NR6A1: variants seen among roughly 807,000 people sequenced by gnomAD.
NR6A1 encodes the protein nuclear receptor subfamily 6 group A member 1.
NR6A1 carries 7 observed loss-of-function variants against 59.1 expected under a neutral mutation model. The ratio of observed to expected loss-of-function variants is 0.12; its 90% CI spans 0.07 to 0.22. The LOEUF is 0.22. NR6A1 is among the 10% of genes least tolerant of loss of function. NR6A1 has a pLI of 1.00. For missense variants in NR6A1, 468 were observed against 611.6 expected (o/e 0.77, Z 2.48); for synonymous variants, 243 against 236.1 (o/e 1.03, Z -0.27).
At chr9:124,610,360 T>C (rs779868299) in intron 2 of NR6A1, among the ~76,000 whole-genome samples, 21 of 152,166 alleles carry the variant, frequency 1.4e-4, no homozygotes, top group Non-Finnish European at 4.4e-5. Flanking sequence ...TGAGATAATC[T>C]GTGGTTTCTG....
chr9:124,664,437 T>C (rs1837542333), intron 2 of NR6A1, among the ~76,000 whole-genome samples: 1 of 152,170 alleles, frequency 6.6e-6, no homozygotes. Context: ...TTACCACTGG[T>C]GGTCCAAAGA....
rs1444333411 is a variant in NR6A1 at position 124,771,021 on chromosome 9, G to C, written c.99C>G (p.Asn33Lys). Residue 33 changes from asparagine to lysine, a missense_variant and splice_region_variant, in exon 1 of 10, where the codon AAC (asparagine) becomes AAG (lysine). By Grantham distance (94) the Asn-to-Lys change is moderately conservative. Around this residue, in one of 4 missense-constraint regions of NR6A1, gnomAD observed 75 missense variants for 65.6 expected, o/e 1.14. Transcript: ENST00000487099. Reference protein sequence around the residue: ...PPAALPPPPRNGFCQDELAEL... With the variant: ...PPAALPPPPRKGFCQDELAEL... The stretch of plus-strand genomic sequence containing the variant: ...GGGCGTCGCAGGCCCCTCACCCACC[G>C]TTGCGCGGCGGCGGAGGGAGCGCGG... The C allele has an allele frequency of 7.3e-6, 9 of 1,229,184 alleles. No individual in the cohort carries two copies. Among genetic ancestry groups the C allele is most frequent in the Non-Finnish European group, 9.1e-6 (9 of 985,874 alleles). 76.1% of individuals were successfully genotyped at this position (1,229,184 alleles called of 1,614,324 possible).
chr9:124,605,604 C>T (rs1457537624), intron 2 of NR6A1, among the ~76,000 whole-genome samples: 3 of 151,942 alleles, frequency 2.0e-5, no homozygotes, highest in Non-Finnish European at 4.4e-5. Flanking sequence ...CAAAAGAACA[C>T]CAAATAAACA....
At chr9:124,644,271 C>CTTTTTTTTTTT (rs35401605) in intron 2 of NR6A1, among the ~76,000 whole-genome samples, 11 of 96,742 alleles carry the variant, frequency 1.1e-4, no homozygotes, top group African/African-American at 4.1e-4. Context: ...ATTAAGTCTT[C>CTTTTTTTTTTT]TTTTTTTTTT....
chr9:124,690,118 A>G (rs369628878), intron 2 of NR6A1, among the ~76,000 whole-genome samples: 1 of 152,170 alleles, frequency 6.6e-6, no homozygotes. Context: ...CATTACCCCC[A>G]AACACTTATA....
chr9:124,669,294 T>C (rs963143892), intron 2 of NR6A1, among the ~76,000 whole-genome samples: 1 of 152,252 alleles, frequency 6.6e-6, no homozygotes, highest in Non-Finnish European at 1.5e-5. Flanking sequence ...AATATGGATA[T>C]ATACTTTGGT....
At chr9:124,612,805 CTTTCTTTCTTTCT>C (rs1450311786) in intron 2 of NR6A1, among the ~76,000 whole-genome samples, 2 of 145,184 alleles carry the variant, frequency 1.4e-5, no homozygotes, top group African/African-American at 4.9e-5. Flanking sequence ...TTCTTTCTTT[CTTTCTTTCTTTCT>C]TTTCTTTCTT....
intron 2 of NR6A1, among the ~76,000 whole-genome samples, chr9:124,694,389 T>G (rs1006563766): frequency 2.9e-4 from 44 of 152,228 alleles, no homozygotes; most frequent in African/African-American, 1.1e-3. Context: ...CACAACAGTC[T>G]TTTATGTACT....
intron 2 of NR6A1, among the ~76,000 whole-genome samples, chr9:124,699,715 T>C (rs1167213584): frequency 6.6e-6 from 1 of 152,252 alleles, no homozygotes; most frequent in Non-Finnish European, 1.5e-5. Context: ...TATAGACTTG[T>C]GCAAGCATCA....
At chr9:124,583,834 T>C (rs1473572557) in intron 2 of NR6A1, among the ~76,000 whole-genome samples, 1 of 152,174 alleles carries the variant, frequency 6.6e-6, no homozygotes, top group African/African-American at 2.4e-5. Flanking sequence ...ACTTCTGTAC[T>C]CACAAATGAG....
intron 1 of NR6A1, among the ~76,000 whole-genome samples, chr9:124,733,864 A>G (rs908019559): frequency 6.6e-6 from 1 of 152,166 alleles, no homozygotes; most frequent in Non-Finnish European, 1.5e-5. Context: ...AATGAAAGCA[A>G]TTTTTCCATT....
At chr9:124,638,984 GGTAA>G (rs1836697335) in intron 2 of NR6A1, among the ~76,000 whole-genome samples, 1 of 152,176 alleles carries the variant, frequency 6.6e-6, no homozygotes, top group Admixed American at 6.5e-5. Context: ...CAAGTACATA[GGTAA>G]GTATAACACA....
intron 2 of NR6A1, among the ~76,000 whole-genome samples, chr9:124,653,406 A>G (rs939110570): frequency 3.9e-5 from 6 of 151,906 alleles, no homozygotes; most frequent in African/African-American, 1.5e-4. Context: ...TGTATTTGTC[A>G]GAGGTTTGTT....
intron 1 of NR6A1, among the ~76,000 whole-genome samples, chr9:124,763,307 C>G (rs1325127155): frequency 6.6e-6 from 1 of 152,194 alleles, no homozygotes; most frequent in Non-Finnish European, 1.5e-5. Context: ...ACTACTAATA[C>G]AGTTTGTGCC....
intron 2 of NR6A1, among the ~76,000 whole-genome samples, chr9:124,673,349 A>T (rs1415273844): frequency 2.6e-5 from 4 of 152,184 alleles, no homozygotes; most frequent in Non-Finnish European, 5.9e-5. Flanking sequence ...TCAGTGAGAC[A>T]TATGAAGGTT....
In NR6A1 at chr9:124,708,592, G is replaced by T. The variant is rs1249462931; in HGVS notation, c.142+24716C>A. Among the ~76,000 whole-genome samples the T allele has an allele frequency of 2.6e-5, 4 of 152,246 alleles. 1 individual carries two copies. The South Asian group carries it at 6.2e-4, about 24-fold the overall frequency. On this transcript the variant is annotated intron_variant, in intron 2 of 9. Transcript: ENST00000487099. ...AGGCAGAGGTATAAACTCATCTTGG[G>T]ATTATGGAATCATTTTCAGTTCCAG... is the stretch of plus-strand genomic sequence containing the variant.
At chr9:124,708,947 C>T (rs998023835) in intron 2 of NR6A1, among the ~76,000 whole-genome samples, 1 of 152,174 alleles carries the variant, frequency 6.6e-6, no homozygotes, top group Non-Finnish European at 1.5e-5. Context: ...ATTCCAAGAC[C>T]AAGAGCTCTG....
chr9:124,757,477 A>AAC (rs1268713827), intron 1 of NR6A1, among the ~76,000 whole-genome samples: 1 of 151,012 alleles, frequency 6.6e-6, no homozygotes, highest in African/African-American at 2.4e-5. Context: ...AAAAAAAAAA[A>AAC]CCTTGGATTT....
chr9:124,535,749 C>T, intron 7 of NR6A1, 129 bp downstream of exon 7: 2 of 1,169,988 alleles, frequency 1.7e-6, no homozygotes, highest in Non-Finnish European at 2.5e-6. Flanking sequence ...TAGTCAGTGG[C>T]AGAGTGAGGA....
Sources: gnomAD v4.1 joint callset for allele counts (sites outside exome capture counted in the v4.1 genomes callset) on GRCh38, gnomAD v4.1.1 for gene constraint, gnomAD v4.1.1 regional missense constraint, MANE v1.5 for transcripts, NCBI Gene and HGNC (gene_info 2026-07-23, HGNC 2026-07-21) for gene names.